DAP3: variants seen among roughly 807,000 people sequenced by gnomAD.
The protein encoded by DAP3 is death associated protein 3.
DAP3 carries 28 observed loss-of-function variants against 51.9 expected under a neutral mutation model. That is an observed-to-expected ratio of 0.54 (90% CI 0.40 to 0.74). DAP3 has a LOEUF of 0.74. Ranked by LOEUF, DAP3 falls within the 30% of genes least tolerant of loss-of-function variation. DAP3 has a pLI of 0.00. For missense variants in DAP3, 458 were observed against 483.5 expected, an observed-to-expected ratio of 0.95 and a Z score of 0.49; for synonymous variants, 170 against 170.3, an observed-to-expected ratio of 1.00 and a Z score of 0.01.
intron 1 of DAP3, among the ~76,000 whole-genome samples, chr1:155,701,947 G>C (rs1655337713): frequency 6.6e-6 from 1 of 150,482 alleles, no homozygotes; most frequent in Non-Finnish European, 1.5e-5. Flanking sequence ...CTCATGGAGG[G>C]AAGTAGCTGA....
At chr1:155,734,617 A>T (rs1200067745) in intron 11 of DAP3, among the ~76,000 whole-genome samples, 1 of 152,110 alleles carries the variant, frequency 6.6e-6, no homozygotes, top group Non-Finnish European at 1.5e-5. Flanking sequence ...GTATTTAGCA[A>T]CCAAGGCCTG....
intron 2 of DAP3, among the ~76,000 whole-genome samples, chr1:155,716,333 G>A (rs528367311): frequency 8.9e-4 from 135 of 151,968 alleles, no homozygotes; most frequent in African/African-American, 3.1e-3. Context: ...AGGCAGAGGC[G>A]GGCGGATCAT....
chr1:155,734,468 T>C (rs1476152610), intron 11 of DAP3, among the ~76,000 whole-genome samples: 1 of 152,094 alleles, frequency 6.6e-6, no homozygotes, highest in Non-Finnish European at 1.5e-5. Context: ...TGAGCCACCA[T>C]ATCCAGCTCC....
At position 155,691,828 on chromosome 1, in the gene DAP3, T is replaced by A. The variant is rs563657706; in HGVS notation, c.-8+2654T>A. Among the ~76,000 whole-genome samples, 37 of 141,648 alleles carry A rather than the reference T, an allele frequency of 2.6e-4. No homozygotes were observed. In the South Asian group the frequency reaches 7.7e-3, roughly 29 times the overall value. The allele number at this position is 141,648 out of a possible 152,430, so 92.9% of individuals were successfully genotyped here. On this transcript the variant is annotated intron_variant, in intron 1 of 12. Coordinates refer to ENST00000368336, the MANE Select transcript of DAP3 (RefSeq NM_004632.4). ...GTGGTTTTTATTTGCATTTTCTTAA[T>A]TTTGGGGGACCAGTCTCAGCACCAC... is the stretch of plus-strand genomic sequence containing the variant.
chr1:155,698,766 C>T (rs111704401), intron 1 of DAP3, among the ~76,000 whole-genome samples: 159 of 152,320 alleles, frequency 1.0e-3, no homozygotes, highest in Non-Finnish European at 1.4e-3. Context: ...TACACCACTA[C>T]GCTTCAAGAG....
rs375953037 is a variant in DAP3 at position 155,693,885 on chromosome 1, T to TG, written c.-8+4717dup. Among the ~76,000 whole-genome samples, 5 of 140,254 alleles carry TG rather than the reference T, an allele frequency of 3.6e-5. 1 individual carries two copies. The highest frequency in any genetic ancestry group is 9.9e-5 in the African/African-American group (3 of 30,224). The allele number at this position is 140,254 out of a possible 152,430, so 92.0% of individuals were successfully genotyped here. ...CTGAGGCAGGAGAATCCCTTGAACT[T>TG]GGGGGGCGGAGGTTGCAGTGAGCTG... On this transcript the variant is annotated intron_variant, in intron 1 of 12. Transcript: ENST00000368336.
rs1656101691 is a variant in DAP3 at position 155,707,216 on chromosome 1, A to G, written c.-7-2557A>G. On this transcript the variant is annotated intron_variant, in intron 1 of 12. Coordinates refer to ENST00000368336, the MANE Select transcript of DAP3 (RefSeq NM_004632.4). ...ATCACAAGGTCAGGAGATCGAGACC[A>G]TCCTGGCTAACATGGTGAAACCCCG... Among the ~76,000 whole-genome samples, 4 of 152,260 alleles carry G rather than the reference A, an allele frequency of 2.6e-5. No individual in the cohort carries two copies. In the South Asian group the frequency reaches 8.3e-4, roughly 32 times the overall value.
At chr1:155,736,054 A>T (rs1328423461) in intron 11 of DAP3, among the ~76,000 whole-genome samples, 1 of 151,728 alleles carries the variant, frequency 6.6e-6, no homozygotes. Context: ...TTGGCCAGGC[A>T]GGTCTTGAAC....
At chr1:155,736,717 A>G in intron 11 of DAP3, 2 of 498,086 alleles carry the variant, frequency 4.0e-6, no homozygotes, top group Non-Finnish European at 7.2e-6. Context: ...GTGCCCAGCC[A>G]CCTCTTTTTA....
At chr1:155,712,353 C>G (rs1434917285) in intron 2 of DAP3, among the ~76,000 whole-genome samples, 1 of 152,140 alleles carries the variant, frequency 6.6e-6, no homozygotes, top group South Asian at 2.1e-4. Context: ...TGGCTTACAC[C>G]TGTAATCCCA....
At chr1:155,730,028 C>T (rs1460819707) in intron 9 of DAP3, among the ~76,000 whole-genome samples, 1 of 149,906 alleles carries the variant, frequency 6.7e-6, no homozygotes, top group Non-Finnish European at 1.5e-5. Context: ...TGCAGTGAGC[C>T]GAGATCGCCA....
At chr1:155,712,901 G>A (rs1230126187) in intron 2 of DAP3, among the ~76,000 whole-genome samples, 1 of 152,136 alleles carries the variant, frequency 6.6e-6, no homozygotes, top group Admixed American at 6.5e-5. Flanking sequence ...TTTCTCTCCG[G>A]TAGATAAAAT....
upstream of DAP3, chr1:155,688,032 T>C (rs377642526): frequency 3.3e-6 from 5 of 1,529,582 alleles, no homozygotes; most frequent in Non-Finnish European, 4.4e-6. Flanking sequence ...GCTGAGAGAG[T>C]GCTTAGGCCC....
chr1:155,704,626 C>A (rs747346975), intron 1 of DAP3, among the ~76,000 whole-genome samples: 3 of 152,108 alleles, frequency 2.0e-5, no homozygotes, highest in Non-Finnish European at 4.4e-5. Context: ...GTAGTGTGGG[C>A]GTGTGGAAGC....
intron 11 of DAP3, among the ~76,000 whole-genome samples, chr1:155,735,504 G>A (rs1659680658): frequency 6.6e-6 from 1 of 151,784 alleles, no homozygotes; most frequent in South Asian, 2.1e-4. Context: ...TTGAACCCAG[G>A]AGGCAGAGGT....
chr1:155,688,790 G>A (rs1653173380), upstream of DAP3: 20 of 1,543,800 alleles, frequency 1.3e-5, no homozygotes, highest in Non-Finnish European at 1.7e-5. Flanking sequence ...TCGCGCGTGC[G>A]CCTCCCACAG....
intron 1 of DAP3, among the ~76,000 whole-genome samples, chr1:155,697,899 G>A (rs1654731723): frequency 6.6e-6 from 1 of 152,114 alleles, no homozygotes. Flanking sequence ...CCAGAGCAGC[G>A]ATTTTACAGA....
Position 155,717,059 on chromosome 1 carries a change from T to A in DAP3, c.99T>A (p.Ala33=). The A allele has an allele frequency of 6.2e-7, 1 of 1,614,162 alleles. No individual in the cohort carries two copies. The highest frequency in any genetic ancestry group is 8.5e-7 in the Non-Finnish European group (1 of 1,180,026). ...HMGTQARQSI[A]AHLDNQVPVE... ...GGACCCAGGCTCGCCAAAGCATTGC[T>A]GCTCACCTAGATAACCAGGTTCCAG... Residue 33 remains alanine, a synonymous_variant, in exon 3 of 13, where the codon GCT becomes GCA. Coordinates refer to ENST00000368336, the MANE Select transcript of DAP3 (RefSeq NM_004632.4).
At chr1:155,713,205 A>G (rs1656926335) in intron 2 of DAP3, among the ~76,000 whole-genome samples, 1 of 152,220 alleles carries the variant, frequency 6.6e-6, no homozygotes, top group African/African-American at 2.4e-5. Context: ...AAAGGACACA[A>G]TGACACAAGT....
Sources: gnomAD v4.1 joint callset for allele counts (sites outside exome capture counted in the v4.1 genomes callset) on GRCh38, gnomAD v4.1.1 for gene constraint, MANE v1.5 for transcripts, NCBI Gene and HGNC (gene_info 2026-07-23, HGNC 2026-07-21) for gene names.